ERC2: variants seen among roughly 807,000 people sequenced by gnomAD.
ERC2 encodes ERC protein 2.
Under a neutral mutation model 114.8 loss-of-function variants are expected in ERC2, and 42 were observed. The observed-to-expected ratio is 0.37, with a 90% CI of 0.29 to 0.47. ERC2 has a LOEUF of 0.47. Among genes scored for constraint, ERC2 ranks in the 20% least tolerant of loss-of-function variants. The pLI, the probability that ERC2 is intolerant of heterozygous loss-of-function variation, is 0.99. For synonymous variants in ERC2, 454 were observed against 425.5 expected, an observed-to-expected ratio of 1.07 and a Z score of -0.82; for missense variants, 939 against 1,150.7, an observed-to-expected ratio of 0.82 and a Z score of 2.66.
At chr3:56,381,289 G>A (rs539040613) in intron 2 of ERC2, among the ~76,000 whole-genome samples, 9 of 152,120 alleles carry the variant, frequency 5.9e-5, no homozygotes, top group African/African-American at 1.7e-4. Context: ...ATTTGTTTTC[G>A]TATTACAATC....
chr3:56,434,044 C>T (rs2061910403), intron 2 of ERC2: 3 of 355,992 alleles, frequency 8.4e-6, no homozygotes, highest in Non-Finnish European at 1.5e-5. Context: ...ACAGCTGTTG[C>T]AACTGCTGAA....
intron 4 of ERC2, among the ~76,000 whole-genome samples, chr3:56,158,372 A>G (rs2081855426): frequency 6.6e-6 from 1 of 152,150 alleles, no homozygotes; most frequent in Admixed American, 6.5e-5. Context: ...TTCAACATGC[A>G]AACTATGTGT....
At chr3:55,712,697 G>T (rs2063835458) in intron 15 of ERC2, among the ~76,000 whole-genome samples, 1 of 152,134 alleles carries the variant, frequency 6.6e-6, no homozygotes, top group African/African-American at 2.4e-5. Flanking sequence ...AGCTTAAATA[G>T]GATGCTCCCT....
At chr3:55,631,268 T>C (rs912550529) in intron 17 of ERC2, among the ~76,000 whole-genome samples, 2 of 152,150 alleles carry the variant, frequency 1.3e-5, no homozygotes, top group African/African-American at 4.8e-5. Context: ...CACAATGGGC[T>C]CTTTGTTTTG....
chr3:55,867,221 C>T (rs1054944345), intron 14 of ERC2, among the ~76,000 whole-genome samples: 12 of 152,006 alleles, frequency 7.9e-5, no homozygotes, highest in African/African-American at 2.9e-4. Flanking sequence ...TTTCCTAATT[C>T]CCCTCTCAAA....
At chr3:56,316,884 A>G (rs1447940184) in intron 2 of ERC2, among the ~76,000 whole-genome samples, 1 of 152,212 alleles carries the variant, frequency 6.6e-6, no homozygotes, top group Non-Finnish European at 1.5e-5. Context: ...CCTTCGTTAG[A>G]GTCTATACAG....
chr3:56,459,527 CCACA>C (rs58270143), intron 1 of ERC2, among the ~76,000 whole-genome samples: 20,161 of 150,490 alleles, frequency 0.13, 1,728 homozygotes, highest in South Asian at 0.37. Flanking sequence ...TGCTATCAGA[CCACA>C]CACACACACA....
intron 10 of ERC2, among the ~76,000 whole-genome samples, chr3:55,993,366 A>G (rs1457939289): frequency 2.0e-5 from 3 of 152,166 alleles, no homozygotes; most frequent in Non-Finnish European, 4.4e-5. Context: ...GTTTTTATAT[A>G]CTTTTTTGAA....
intron 2 of ERC2, among the ~76,000 whole-genome samples, chr3:56,413,919 C>T (rs2061041678): frequency 6.6e-6 from 1 of 152,168 alleles, no homozygotes; most frequent in African/African-American, 2.4e-5. Context: ...GAAACCACAG[C>T]CCTTGTCTGA....
intron 1 of ERC2, among the ~76,000 whole-genome samples, chr3:56,458,751 G>A (rs2063178097): frequency 6.6e-6 from 1 of 152,176 alleles, no homozygotes; most frequent in Non-Finnish European, 1.5e-5. Context: ...AAAGAAGGGG[G>A]AGGAGGGAAT....
chr3:55,528,530 T>C (rs1236135545), intron 17 of ERC2, among the ~76,000 whole-genome samples: 1 of 152,044 alleles, frequency 6.6e-6, no homozygotes, highest in East Asian at 1.9e-4. Flanking sequence ...GATACTTTAT[T>C]TGACAAAAAA....
intron 4 of ERC2, among the ~76,000 whole-genome samples, chr3:56,161,139 G>A (rs1454661223): frequency 6.6e-6 from 1 of 152,108 alleles, no homozygotes; most frequent in African/African-American, 2.4e-5. Context: ...AAAAGAGTCG[G>A]GGCCCTCCTC....
chr3:56,092,160 A>T (rs986588678), intron 6 of ERC2, among the ~76,000 whole-genome samples: 4 of 152,206 alleles, frequency 2.6e-5, no homozygotes, highest in Non-Finnish European at 4.4e-5. Context: ...AGCTGTGCTT[A>T]TAAAAGTTAA....
chr3:55,907,688 C>T (rs914696781), intron 13 of ERC2, among the ~76,000 whole-genome samples: 3 of 152,136 alleles, frequency 2.0e-5, no homozygotes, highest in Admixed American at 1.3e-4. Flanking sequence ...GGCTCAGATC[C>T]CTTCTCTGCC....
chr3:56,246,093 T>TAA (rs34868223), intron 3 of ERC2, among the ~76,000 whole-genome samples: 2,212 of 127,570 alleles, frequency 0.017, 22 homozygotes, highest in Non-Finnish European at 0.028. Flanking sequence ...TCAGATTCTT[T>TAA]AAAAAAAAAA....
At chr3:56,211,671 G>A (rs763498722) in intron 3 of ERC2, among the ~76,000 whole-genome samples, 5 of 151,984 alleles carry the variant, frequency 3.3e-5, no homozygotes, top group South Asian at 2.1e-4. Flanking sequence ...GAACAAATCC[G>A]TAGGCATTAC....
Position 55,510,799 on chromosome 3 carries a change from A to T in ERC2, c.*517T>A, listed in dbSNP as rs2052020430. Reference sequence around the variant, plus strand: ...TGCCAACACCACTCACTCACAGCGAATTTATACTTTTTGATAATCTAATGC... The same window carrying T: ...TGCCAACACCACTCACTCACAGCGATTTTATACTTTTTGATAATCTAATGC... On this transcript the variant is annotated 3_prime_UTR_variant, in exon 18 of 18. Transcript: ENST00000288221. 6.6e-6 allele frequency: 1 copy of T among 152,234 alleles called. No individual in the cohort carries two copies. Among genetic ancestry groups the T allele is most frequent in the Non-Finnish European group, 1.5e-5 (1 of 68,044 alleles). 9.4% of individuals were successfully genotyped at this position (152,234 alleles called of 1,614,324 possible). A position where few individuals can be genotyped will look rare whatever the true frequency, so the allele number is the denominator to read the frequency against.
At chr3:56,158,942 C>T (rs910090501) in intron 4 of ERC2, among the ~76,000 whole-genome samples, 3 of 151,808 alleles carry the variant, frequency 2.0e-5, no homozygotes, top group African/African-American at 7.3e-5. Flanking sequence ...AATTGTAATC[C>T]CCAATGTTGG....
In ERC2 at chr3:55,800,107, T is replaced by G. The variant is rs180760850; in HGVS notation, c.2565-65189A>C. ...ATAGAGACAGGGGCTATAGCAGCTT[T>G]CTTTCTTTCTCTTTCTTACTCTTTT... On this transcript the variant is annotated intron_variant, in intron 14 of 17. Transcript: ENST00000288221. Among the ~76,000 whole-genome samples, 12 of 152,202 alleles carry G rather than the reference T, an allele frequency of 7.9e-5. No homozygotes were observed. The East Asian group carries it at 1.9e-3, about 25-fold the overall frequency.
Sources: allele counts gnomAD v4.1 joint callset (sites outside exome capture counted in the v4.1 genomes callset), GRCh38; gene constraint gnomAD v4.1.1; transcripts MANE v1.5; gene names NCBI Gene and HGNC (gene_info 2026-07-23, HGNC 2026-07-21).